Variants in RUNX2 observed in about 807,000 individuals in gnomAD.
RUNX2 encodes the protein runt-related transcription factor 2.
RUNX2 carries 10 observed loss-of-function variants against 51.7 expected under a neutral mutation model. The observed-to-expected ratio is 0.19, with a 90% CI of 0.12 to 0.33. RUNX2 has a LOEUF of 0.33. Among genes scored for constraint, RUNX2 ranks in the 10% least tolerant of loss-of-function variants. The probability of loss-of-function intolerance (pLI) is 1.00; values close to 1 mark genes in which losing one functional copy is unlikely to be tolerated. For missense variants in RUNX2, 562 were observed against 691.3 expected, an observed-to-expected ratio of 0.81 and a Z score of 2.10; for synonymous variants, 276 against 273.6, an observed-to-expected ratio of 1.01 and a Z score of -0.09.
At chr6:45,491,104 A>C (rs1289522498) in intron 5 of RUNX2, among the ~76,000 whole-genome samples, 2 of 152,220 alleles carry the variant, frequency 1.3e-5, no homozygotes, top group Non-Finnish European at 2.9e-5. Context: ...TCTAATACCC[A>C]GAATTTCTTT....
At position 45,547,382 on chromosome 6, in the gene RUNX2, GCA is replaced by G; in HGVS notation, c.*78_*79del. ...CAATATATACATATATAGAGAGAGT[GCA>G]TATATATGTATATCGATTAGCTATC... On this transcript the variant is annotated 3_prime_UTR_variant, in exon 9 of 9. Transcript: ENST00000647337. 3.5e-6 allele frequency: 4 copies of G among 1,140,734 alleles called. No homozygotes were observed. The highest frequency in any genetic ancestry group is 1.7e-5 in the Admixed American group (1 of 59,146). The allele number at this position is 1,140,734 out of a possible 1,614,324, so 70.7% of individuals were successfully genotyped here. A position where few individuals can be genotyped will look rare whatever the true frequency, so the allele number is the denominator to read the frequency against.
rs1802153465 is a variant in RUNX2, at chr6:45,539,594, T to A, written c.1022-5623T>A. Reference sequence around the variant, plus strand: ...TGTGAGGGGAGAAATTCAGGGAAATTTAGAAAATTGGTCCCTTAGAACCTC... The same window carrying A: ...TGTGAGGGGAGAAATTCAGGGAAATATAGAAAATTGGTCCCTTAGAACCTC... On this transcript the variant is annotated intron_variant, in intron 7 of 8. Coordinates refer to ENST00000647337, the MANE Select transcript of RUNX2 (RefSeq NM_001024630.4). Among the ~76,000 whole-genome samples the A allele has an allele frequency of 1.3e-5, 2 of 152,154 alleles. 1 individual carries two copies. Among genetic ancestry groups the A allele is most frequent in the South Asian group, 4.1e-4 (2 of 4,826 alleles).
At chr6:45,357,250 G>A (rs948737997) in intron 2 of RUNX2, among the ~76,000 whole-genome samples, 4 of 152,114 alleles carry the variant, frequency 2.6e-5, no homozygotes, top group Admixed American at 6.5e-5. Context: ...CTTCTGACCC[G>A]CCCACCTCGG....
chr6:45,513,251 A>C (rs946281401), intron 7 of RUNX2, among the ~76,000 whole-genome samples: 2 of 152,190 alleles, frequency 1.3e-5, no homozygotes, highest in African/African-American at 4.8e-5. Context: ...CCACCCTGAC[A>C]TATGAACTGC....
chr6:45,373,059 G>A (rs1234577240), intron 2 of RUNX2, among the ~76,000 whole-genome samples: 3 of 151,860 alleles, frequency 2.0e-5, no homozygotes, highest in Admixed American at 6.6e-5. Context: ...CACCTGCCTC[G>A]GCCTCCCAAA....
intron 2 of RUNX2, chr6:45,421,963 C>G (rs181056538): frequency 6.6e-6 from 1 of 151,082 alleles, no homozygotes; most frequent in African/African-American, 2.4e-5. Flanking sequence ...GGAGCCTAGC[C>G]GGGGAGCCGG....
chr6:45,501,337 A>G (rs536391704), intron 6 of RUNX2, among the ~76,000 whole-genome samples: 3 of 152,354 alleles, frequency 2.0e-5, no homozygotes, highest in African/African-American at 7.2e-5. Flanking sequence ...CTTGTAGTTG[A>G]CAAAATGCAG....
chr6:45,350,608 G>A (rs1288463049), intron 2 of RUNX2, among the ~76,000 whole-genome samples: 1 of 152,156 alleles, frequency 6.6e-6, no homozygotes, highest in Non-Finnish European at 1.5e-5. Context: ...ATAGGGGGAT[G>A]AAAACTAACT....
intron 5 of RUNX2, among the ~76,000 whole-genome samples, chr6:45,463,771 C>A (rs1179487670): frequency 2.0e-5 from 3 of 152,054 alleles, no homozygotes; most frequent in Admixed American, 1.3e-4. Flanking sequence ...GGATTTGCAT[C>A]CAGATCTTTA....
Position 45,485,695 on chromosome 6 carries a change from G to GTATATATATATATATATA in RUNX2, c.686-6245_686-6244insATATATATATATATATAT, listed in dbSNP as rs1389655363. On this transcript the variant is annotated intron_variant, in intron 5 of 8. Transcript: ENST00000647337. The stretch of plus-strand genomic sequence containing the variant: ...TGTATGTGTGTGTGTGTGTGTGTGT[G>GTATATATATATATATATA]TGTATATATATATATATATATACAC... 3.4e-3 allele frequency among the ~76,000 whole-genome samples: 368 copies of GTATATATATATATATATA among 107,010 alleles called. 10 individuals are homozygous for GTATATATATATATATATA. Among genetic ancestry groups the GTATATATATATATATATA allele is most frequent in the Middle Eastern group, 4.9e-3 (1 of 204 alleles). The allele number at this position is 107,010 out of a possible 152,430, so 70.2% of individuals were successfully genotyped here. A position where few individuals can be genotyped will look rare whatever the true frequency, so the allele number is the denominator to read the frequency against.
intron 7 of RUNX2, among the ~76,000 whole-genome samples, chr6:45,535,404 A>C (rs1299456578): frequency 6.6e-6 from 1 of 152,092 alleles, no homozygotes; most frequent in African/African-American, 2.4e-5. Flanking sequence ...GGAGATCGAG[A>C]CCATCCTGGC....
intron 2 of RUNX2, among the ~76,000 whole-genome samples, chr6:45,388,828 T>TA (rs76050609): frequency 0.12 from 18,190 of 152,116 alleles, 1,639 homozygotes; most frequent in East Asian, 0.35. Context: ...GCAAATACTA[T>TA]AAAAAAAATC....
At chr6:45,398,204 C>T (rs377003430) in intron 2 of RUNX2, among the ~76,000 whole-genome samples, 1 of 152,144 alleles carries the variant, frequency 6.6e-6, no homozygotes, top group Non-Finnish European at 1.5e-5. Context: ...TATTAGGCCC[C>T]GGGTTCCTCA....
At chr6:45,443,375 G>T (rs185982606) in intron 5 of RUNX2, among the ~76,000 whole-genome samples, 52 of 152,188 alleles carry the variant, frequency 3.4e-4, no homozygotes, top group Middle Eastern at 3.4e-3. Flanking sequence ...TAAGGATTAG[G>T]CTCAGAACTG....
At chr6:45,505,991 A>G (rs533376208) in intron 6 of RUNX2, among the ~76,000 whole-genome samples, 2 of 152,230 alleles carry the variant, frequency 1.3e-5, no homozygotes, top group Admixed American at 6.5e-5. Context: ...AGTGGCTTCT[A>G]CCTTAGACAG....
chr6:45,531,028 AT>A (rs1209290916), intron 7 of RUNX2, among the ~76,000 whole-genome samples: 2 of 152,236 alleles, frequency 1.3e-5, no homozygotes, highest in South Asian at 4.1e-4. Context: ...CAATACTACT[AT>A]ACTCAGTAGT....
chr6:45,394,187 C>T (rs1037245701), intron 2 of RUNX2, among the ~76,000 whole-genome samples: 3 of 151,892 alleles, frequency 2.0e-5, no homozygotes, highest in South Asian at 2.1e-4. Flanking sequence ...GGATTACAGG[C>T]GTGAGCCACT....
chr6:45,474,373 A>ATGTGTGTGTGTGTGTG (rs56719456), intron 5 of RUNX2, among the ~76,000 whole-genome samples: 1 of 149,520 alleles, frequency 6.7e-6, no homozygotes, highest in Non-Finnish European at 1.5e-5. Context: ...TGTTTTATAT[A>ATGTGTGTGTGTGTGTG]TGTGTGTGTG....
intron 5 of RUNX2, among the ~76,000 whole-genome samples, chr6:45,460,739 C>T (rs1227866047): frequency 6.7e-6 from 1 of 150,052 alleles, no homozygotes; most frequent in Non-Finnish European, 1.5e-5. Context: ...CACTGCACTC[C>T]AGCCTGGGCA....
Sources: allele counts gnomAD v4.1 joint callset (sites outside exome capture counted in the v4.1 genomes callset), GRCh38; gene constraint gnomAD v4.1.1; transcripts MANE v1.5; gene names NCBI Gene and HGNC (gene_info 2026-07-23, HGNC 2026-07-21).